PZP: variants seen among roughly 807,000 people sequenced by gnomAD.
PZP encodes pregnancy zone protein.
In PZP, 150 loss-of-function variants were observed where a neutral mutation model predicts 179.8. That is an observed-to-expected ratio of 0.83 (90% CI 0.73 to 0.96). PZP has a LOEUF of 0.96. Ranked by LOEUF, PZP falls within the 40% of genes least tolerant of loss-of-function variation. PZP has a pLI of 0.00. For synonymous variants in PZP, 624 were observed against 652.3 expected, an observed-to-expected ratio of 0.96 and a Z score of 0.66; for missense variants, 1,689 against 1,764.0, an observed-to-expected ratio of 0.96 and a Z score of 0.76.
chr12:9,195,744 A>G (rs1481618258), intron 10 of PZP, among the ~76,000 whole-genome samples: 1 of 150,418 alleles, frequency 6.6e-6, no homozygotes, highest in Admixed American at 6.7e-5. Context: ...ATGAGCCACT[A>G]TGCCTGGCCA....
Position 9,194,062 on chromosome 12 carries a change from T to C in PZP, c.1254+15A>G. The C allele has an allele frequency of 6.2e-7, 1 of 1,605,150 alleles. No homozygotes were observed. ...CATTTCCTTTGTCCTCAGAGATTTG[T>C]CTTTCTATACTTACCCGGACAAAAA... On this transcript the variant is annotated intron_variant, in intron 11 of 35. Transcript: ENST00000261336.
At chr12:9,153,375 G>A in intron 29 of PZP, 32 bp from the exon 30 acceptor site, 1 of 1,573,692 alleles carries the variant, frequency 6.4e-7, no homozygotes, top group Non-Finnish European at 8.7e-7. Flanking sequence ...CCGCCCCAAA[G>A]AGTAAATTTT....
In PZP at chr12:9,160,470, T is replaced by C. The variant is rs1309246806; in HGVS notation, c.2893A>G (p.Met965Val). 3.7e-6 allele frequency: 6 copies of C among 1,613,414 alleles called. No homozygotes were observed. Among genetic ancestry groups the C allele is most frequent in the Non-Finnish European group, 5.1e-6 (6 of 1,179,698 alleles). Residue 965 changes from methionine (M) to valine (V), a missense_variant, in exon 24 of 36, where the codon ATG (methionine) becomes GTG (valine). Met to Val is a conservative substitution (Grantham distance 21, BLOSUM62 1). This residue lies in a region of PZP where 746 missense variants were observed against 749.2 expected (regional missense o/e 1.00). Transcript: ENST00000261336. The stretch of plus-strand genomic sequence containing the variant: ...TGGAGGAGATTTTGTATATTTTGCA[T>C]AGCAGAACCTAATATGTCACCTGGG... ...SVLGDILGSAMQNIQNLLQMP... is the reference protein window; with the variant it reads ...SVLGDILGSAVQNIQNLLQMP...
intron 17 of PZP, chr12:9,167,650 A>T (rs1184326029): frequency 2.6e-5 from 4 of 152,162 alleles, no homozygotes; most frequent in African/African-American, 9.7e-5. Flanking sequence ...CAGTTTTCTT[A>T]GCTCTTTTAT....
chr12:9,169,470 G>T lies in PZP; in HGVS notation c.1961C>A (p.Pro654His), dbSNP rs369857112. The change falls in exon 16 of 36, where the codon CCC (proline) becomes CAC (histidine). Residue 654 changes from proline (P) to histidine (H), a missense_variant. Transcript: ENST00000261336. Reference sequence around the variant, plus strand: ...AATATCTGCTTCATTACTTGATAAGGGAACATAGATGGCTCCATTATGAAT... The same window carrying T: ...AATATCTGCTTCATTACTTGATAAGTGAACATAGATGGCTCCATTATGAAT... ...FFIHNGAIYV[P>H]LSSNEADIYS... 1 of 1,611,420 alleles carries T rather than the reference G, an allele frequency of 6.2e-7. No homozygotes were observed. Among genetic ancestry groups the T allele is most frequent in the Non-Finnish European group, 8.5e-7 (1 of 1,178,550 alleles).
At chr12:9,182,901 C>T (rs781454756) in intron 13 of PZP, among the ~76,000 whole-genome samples, 27 of 152,282 alleles carry the variant, frequency 1.8e-4, no homozygotes, top group African/African-American at 6.5e-4. Flanking sequence ...GTATTATTTC[C>T]ATGTCTTCCT....
chr12:9,182,890 G>C (rs1942862381), intron 13 of PZP, among the ~76,000 whole-genome samples: 1 of 152,104 alleles, frequency 6.6e-6, no homozygotes, highest in Admixed American at 6.5e-5. Flanking sequence ...GATACTCTCT[G>C]GTATTATTTC....
chr12:9,152,361 C>T, intron 31 of PZP, 51 bp from the exon 32 acceptor site: 1 of 1,344,928 alleles, frequency 7.4e-7, no homozygotes, highest in Admixed American at 1.7e-5. Flanking sequence ...GAAAGAAAGC[C>T]AAATTTCTGC....
In PZP at chr12:9,164,311, C is replaced by G. The variant is rs1863839; in HGVS notation, c.2488-52G>C. Reference sequence around the variant, plus strand: ...GAAATGATCAGAATATGGAACGACACGAACACATAGAATTGGGGCCAAGTG... The same window carrying G: ...GAAATGATCAGAATATGGAACGACAGGAACACATAGAATTGGGGCCAAGTG... On this transcript the variant is annotated intron_variant, in intron 19 of 35. Coordinates refer to ENST00000261336, the MANE Select transcript of PZP (RefSeq NM_002864.3). 18 of 1,572,276 alleles carry G rather than the reference C, an allele frequency of 1.1e-5. No homozygotes were observed. The African/African-American group carries it at 2.4e-4, about 21-fold the overall frequency.
At chr12:9,175,689 A>G (rs1942316280) in intron 15 of PZP, among the ~76,000 whole-genome samples, 1 of 152,242 alleles carries the variant, frequency 6.6e-6, no homozygotes, top group Non-Finnish European at 1.5e-5. Flanking sequence ...ACATACAGCC[A>G]ACAAACATAT....
intron 11 of PZP, 107 bp downstream of exon 11, chr12:9,193,970 A>G: frequency 1.8e-6 from 2 of 1,090,438 alleles, no homozygotes; most frequent in South Asian, 2.3e-5. Flanking sequence ...TCAAAGTTAG[A>G]TATCTTCTTA....
At chr12:9,207,342 G>A (rs1313929555) in intron 1 of PZP, among the ~76,000 whole-genome samples, 3 of 152,248 alleles carry the variant, frequency 2.0e-5, no homozygotes, top group South Asian at 4.1e-4. Context: ...TGCTATTATT[G>A]GACCCAAGAG....
At chr12:9,194,282 G>C (rs1244260942) in intron 10 of PZP, 44 bp from the exon 11 acceptor site, 2 of 1,586,242 alleles carry the variant, frequency 1.3e-6, no homozygotes, top group Admixed American at 3.4e-5. Flanking sequence ...ACAACACCCA[G>C]AGAGGACTGA....
intron 15 of PZP, among the ~76,000 whole-genome samples, chr12:9,177,402 C>T (rs1942459611): frequency 1.3e-5 from 2 of 152,174 alleles, no homozygotes. Flanking sequence ...CAGGTGGCTG[C>T]AGCTTTGGCC....
At chr12:9,202,245 G>T in intron 4 of PZP, 74 bp downstream of exon 4, 1 of 1,322,424 alleles carries the variant, frequency 7.6e-7, no homozygotes, top group Non-Finnish European at 1.1e-6. Flanking sequence ...CGCTTTTCTT[G>T]TACCTTTCTA....
Position 9,196,420 on chromosome 12 carries a change from G to A in PZP, c.1002C>T (p.Asn334=), listed in dbSNP as rs751002158. The A allele has an allele frequency of 1.9e-6, 3 of 1,612,558 alleles. No homozygotes were observed. The highest frequency in any genetic ancestry group is 2.5e-6 in the Non-Finnish European group (3 of 1,178,650). The part of the protein sequence containing the change: ...EEGTDLEVTA[N]RISEITNIVS... ...CAATGTTTGTGATTTCACTGATCCT[G>A]TTTGCAGTGACTTCCAGGTCTGAAA... Residue 334 remains asparagine (N), a synonymous_variant, in exon 10 of 36, where the codon AAC becomes AAT. Transcript: ENST00000261336.
rs763991814 is a variant in PZP, at chr12:9,159,920, A to C, written c.3137+18T>G. Reference sequence around the variant, plus strand: ...TCTGAACTCATAGTTGAAACTCAGAATAGATTTTCTTTCTTACCAAGTGTT... The same window carrying C: ...TCTGAACTCATAGTTGAAACTCAGACTAGATTTTCTTTCTTACCAAGTGTT... On this transcript the variant is annotated intron_variant, in intron 25 of 35. Transcript: ENST00000261336. The C allele has an allele frequency of 6.3e-7, 1 of 1,587,370 alleles. No individual in the cohort carries two copies. Among genetic ancestry groups the C allele is most frequent in the South Asian group, 1.1e-5 (1 of 90,492 alleles).
intron 31 of PZP, 24 bp downstream of exon 31, chr12:9,152,800 G>T (rs960303309): frequency 6.2e-7 from 1 of 1,606,458 alleles, no homozygotes; most frequent in Non-Finnish European, 8.5e-7. Context: ...GCCAAAGATA[G>T]GTGATTAGGT....
chr12:9,173,635 G>T (rs1000802251), intron 15 of PZP, among the ~76,000 whole-genome samples: 4 of 152,102 alleles, frequency 2.6e-5, no homozygotes, highest in African/African-American at 9.7e-5. Context: ...AATCAGAAAT[G>T]ATAGGGGAAT....
Sources: gnomAD v4.1 joint callset for allele counts (sites outside exome capture counted in the v4.1 genomes callset) on GRCh38, gnomAD v4.1.1 for gene constraint, gnomAD v4.1.1 regional missense constraint, MANE v1.5 for transcripts, NCBI Gene and HGNC (gene_info 2026-07-23, HGNC 2026-07-21) for gene names.